Variants in ZFHX3 observed in about 807,000 individuals in gnomAD.
The protein encoded by ZFHX3 is zinc finger homeobox protein 3.
ZFHX3 carries 42 observed loss-of-function variants against 279.1 expected under a neutral mutation model. The ratio of observed to expected loss-of-function variants is 0.15; its 90% CI spans 0.12 to 0.19. The LOEUF is 0.19. Among genes scored for constraint, ZFHX3 ranks in the 10% least tolerant of loss-of-function variants. The pLI, the probability that ZFHX3 is intolerant of heterozygous loss-of-function variation, is 1.00. For synonymous variants in ZFHX3, 2,293 were observed against 1,957.8 expected (o/e 1.17, Z -4.52); for missense variants, 4,981 against 4,754.0 (o/e 1.05, Z -1.40).
chr16:73,636,812 G>C (rs1054745159), intron 2 of ZFHX3, among the ~76,000 whole-genome samples: 7 of 152,094 alleles, frequency 4.6e-5, no homozygotes, highest in Non-Finnish European at 1.0e-4. Context: ...ATATGCAATA[G>C]TAAAGCTATC....
rs1195053783 is a variant in ZFHX3, at chr16:72,906,393, G to A, written c.3217-16431C>T. On this transcript the variant is annotated intron_variant, in intron 3 of 9. Coordinates refer to ENST00000268489, the MANE Select transcript of ZFHX3 (RefSeq NM_006885.4). Reference sequence around the variant, plus strand: ...GATCGCACTGGGGGGGCATGGGACCGGGGTGGGGAGCATCGCCAATCTTAT... The same window carrying A: ...GATCGCACTGGGGGGGCATGGGACCAGGGTGGGGAGCATCGCCAATCTTAT... Among the ~76,000 whole-genome samples the A allele has an allele frequency of 3.3e-5, 5 of 152,026 alleles. No homozygotes were observed. The East Asian group carries it at 7.8e-4, about 24-fold the overall frequency.
chr16:72,871,582 C>T lies in ZFHX3; in HGVS notation c.3448+18149G>A, dbSNP rs914945012. Among the ~76,000 whole-genome samples the T allele has an allele frequency of 1.1e-4, 16 of 151,810 alleles. No individual in the cohort carries two copies. The East Asian group carries it at 2.7e-3, about 26-fold the overall frequency. On this transcript the variant is annotated intron_variant, in intron 4 of 9. Transcript: ENST00000268489. ...GTCTTGATCTCCTGACCTTATGATC[C>T]GCCTGCCTCAGCCTCCCAAAGTGCT...
chr16:73,341,143 C>A (rs2016025554), intron 3 of ZFHX3, among the ~76,000 whole-genome samples: 2 of 152,118 alleles, frequency 1.3e-5, no homozygotes, highest in South Asian at 2.1e-4. Flanking sequence ...GAGTTCAAGA[C>A]TAGCCTGGCC....
chr16:72,972,493 T>G lies in ZFHX3; in HGVS notation c.-49-12299A>C, dbSNP rs1357481572. Among the ~76,000 whole-genome samples the G allele has an allele frequency of 2.0e-5, 3 of 152,114 alleles. No homozygotes were observed. The East Asian group carries it at 5.8e-4, about 29-fold the overall frequency. On this transcript the variant is annotated intron_variant, in intron 1 of 9. Coordinates refer to ENST00000268489, the MANE Select transcript of ZFHX3 (RefSeq NM_006885.4). ...TTTATGTGATTATAAAGGGCCAAACTGCATCAATCATTTTCAAGCTTTCTT... is the reference window on the plus strand; with the variant it reads ...TTTATGTGATTATAAAGGGCCAAACGGCATCAATCATTTTCAAGCTTTCTT...
intron 4 of ZFHX3, among the ~76,000 whole-genome samples, chr16:73,274,905 C>A (rs1313423049): frequency 6.6e-6 from 1 of 152,182 alleles, no homozygotes; most frequent in Non-Finnish European, 1.5e-5. Context: ...CGGATAGATA[C>A]CCTTTATTGG....
chr16:73,105,424 TATATATATACACACACACAC>T (rs1966289444), intron 7 of ZFHX3, among the ~76,000 whole-genome samples: 2 of 116,562 alleles, frequency 1.7e-5, no homozygotes. Context: ...CACACATATA[TATATATATACACACACACAC>T]ATATATATAT....
At chr16:73,482,658 A>T (rs561042138) in intron 2 of ZFHX3, among the ~76,000 whole-genome samples, 9 of 152,358 alleles carry the variant, frequency 5.9e-5, no homozygotes, top group Admixed American at 5.9e-4. Context: ...CAATTTGTAC[A>T]AATGGAGAAA....
At chr16:72,935,938 T>C (rs1960100569) in intron 3 of ZFHX3, among the ~76,000 whole-genome samples, 1 of 152,218 alleles carries the variant, frequency 6.6e-6, no homozygotes, top group East Asian at 1.9e-4. Context: ...GAACAAGGCA[T>C]TTTGATGAGA....
intron 3 of ZFHX3, among the ~76,000 whole-genome samples, chr16:72,893,041 C>A (rs902410339): frequency 6.6e-6 from 1 of 152,152 alleles, no homozygotes. Flanking sequence ...CCAGGATATT[C>A]CAGGCAGCAA....
intron 3 of ZFHX3, among the ~76,000 whole-genome samples, chr16:73,354,047 G>A (rs1477679599): frequency 6.6e-6 from 1 of 152,014 alleles, no homozygotes; most frequent in Non-Finnish European, 1.5e-5. Flanking sequence ...AGTCAGTATG[G>A]GACCAAAATC....
At position 73,432,759 on chromosome 16, in the gene ZFHX3, T is replaced by C. The variant is rs113805918; in HGVS notation, c.-1291+23244A>G. On this transcript the variant is annotated intron_variant, in intron 3 of 17. Coordinates refer to the ZFHX3 transcript ENST00000641206. ...ACCGTCTGTGATCCTAAGAGCATCT[T>C]AGAATCGCTCTGTGTGTTTTTCTTC... Among the ~76,000 whole-genome samples, 521 of 148,424 alleles carry C rather than the reference T, an allele frequency of 3.5e-3. 3 individuals are homozygous for C. The highest frequency in any genetic ancestry group is 0.012 in the African/African-American group (484 of 40,688).
chr16:72,963,883 G>C (rs187235011), intron 1 of ZFHX3, among the ~76,000 whole-genome samples: 1 of 152,294 alleles, frequency 6.6e-6, no homozygotes, highest in African/African-American at 2.4e-5. Context: ...ATTTTAAATT[G>C]TTAATTAGCA....
chr16:73,372,403 G>A (rs7189531), intron 3 of ZFHX3, among the ~76,000 whole-genome samples: 111,598 of 152,124 alleles, frequency 0.73, 41,158 homozygotes, highest in Non-Finnish European at 0.77. Flanking sequence ...TACTAATTAC[G>A]CAAGTCATTT....
At chr16:72,908,582 G>A (rs1477938193) in intron 3 of ZFHX3, among the ~76,000 whole-genome samples, 1 of 152,178 alleles carries the variant, frequency 6.6e-6, no homozygotes, top group Admixed American at 6.5e-5. Context: ...TTTTTCTGGG[G>A]AAGAACCTGT....
At chr16:72,992,006 G>T (rs1341747855) in intron 1 of ZFHX3, among the ~76,000 whole-genome samples, 1 of 152,182 alleles carries the variant, frequency 6.6e-6, no homozygotes, top group Non-Finnish European at 1.5e-5. Context: ...AAATAATACA[G>T]TATAGGCAGT....
intron 2 of ZFHX3, chr16:73,544,061 A>G (rs1371428858): frequency 6.6e-6 from 1 of 152,254 alleles, no homozygotes; most frequent in Non-Finnish European, 1.5e-5. Flanking sequence ...ATTCGGCCCT[A>G]ATGAAGCATC....
rs760288819 is a variant in ZFHX3 at position 72,794,174 on chromosome 16, G to C, written c.8508C>G (p.Ser2836=). ...TATCTGTGATTGCTGTGTTGACAGA[G>C]GAACAGTCATCGTTGTCCAGCTTAG... is the stretch of plus-strand genomic sequence containing the variant. ...DQTKLDNDDC[S]SVNTAITDTT... is the part of the protein sequence containing the mutation. Residue 2836 remains serine (S), a synonymous_variant, in exon 9 of 10, where the codon TCC becomes TCG. Transcript: ENST00000268489. This position sits in a 1 kb window ranked among gnomAD's most constrained non-coding sequence, Gnocchi z 4.2. 6.2e-7 allele frequency: 1 copy of C among 1,614,188 alleles called. No individual in the cohort carries two copies. The highest frequency in any genetic ancestry group is 2.2e-5 in the East Asian group (1 of 44,882).
At chr16:72,994,313 T>C (rs1477412433) in intron 1 of ZFHX3, among the ~76,000 whole-genome samples, 1 of 152,238 alleles carries the variant, frequency 6.6e-6, no homozygotes, top group Non-Finnish European at 1.5e-5. Flanking sequence ...CATGCAAGTC[T>C]GGCTCAGGTT....
chr16:73,289,326 A>G (rs1567441122), intron 4 of ZFHX3, among the ~76,000 whole-genome samples: 1 of 151,954 alleles, frequency 6.6e-6, no homozygotes, highest in Non-Finnish European at 1.5e-5. Flanking sequence ...CATTCAGAGC[A>G]AGGGCAGGGT....
Sources: allele counts gnomAD v4.1 joint callset (sites outside exome capture counted in the v4.1 genomes callset), GRCh38; gene constraint gnomAD v4.1.1; non-coding constraint Gnocchi (gnomAD v3.1); transcripts MANE v1.5; gene names NCBI Gene and HGNC (gene_info 2026-07-23, HGNC 2026-07-21).